The following MACROD2 variants were observed in gnomAD, a reference collection of about 807,000 sequenced individuals.
The protein encoded by MACROD2 is ADP-ribose glycohydrolase MACROD2.
In MACROD2, 36 loss-of-function variants were observed where a neutral mutation model predicts 70.4. The ratio of observed to expected loss-of-function variants is 0.51; its 90% CI spans 0.39 to 0.68. MACROD2 has a LOEUF of 0.68. Among genes scored for constraint, MACROD2 ranks in the 30% least tolerant of loss-of-function variants. The pLI is 0.00. For synonymous variants in MACROD2, 172 were observed against 178.8 expected (o/e 0.96, Z 0.30); for missense variants, 496 against 538.4 (o/e 0.92, Z 0.78).
chr20:14,087,415 T>C (rs1477686844), intron 3 of MACROD2, among the ~76,000 whole-genome samples: 1 of 151,732 alleles, frequency 6.6e-6, no homozygotes, highest in Admixed American at 6.6e-5. Context: ...AAAAAAGGAT[T>C]GGATGTCAGT....
chr20:15,197,453 T>C (rs1380862425), intron 5 of MACROD2, among the ~76,000 whole-genome samples: 1 of 152,174 alleles, frequency 6.6e-6, no homozygotes, highest in Non-Finnish European at 1.5e-5. Context: ...TTTAAAATAT[T>C]TTTAAAGTAT....
chr20:14,535,363 G>A (rs906103611), intron 4 of MACROD2, among the ~76,000 whole-genome samples: 2 of 151,918 alleles, frequency 1.3e-5, no homozygotes, highest in Non-Finnish European at 2.9e-5. Flanking sequence ...AAATTAGCTG[G>A]GCGTAGTGGC....
chr20:14,177,060 T>C (rs186350196), intron 3 of MACROD2, among the ~76,000 whole-genome samples: 38 of 152,312 alleles, frequency 2.5e-4, no homozygotes, highest in African/African-American at 8.9e-4. Context: ...CCTCTTTGTA[T>C]ACAAACACTC....
At chr20:15,945,190 G>C (rs1353367766) in intron 12 of MACROD2, among the ~76,000 whole-genome samples, 2 of 152,148 alleles carry the variant, frequency 1.3e-5, no homozygotes, top group East Asian at 3.9e-4. Flanking sequence ...AGGTGTTCCT[G>C]GTACACAGTA....
intron 5 of MACROD2, among the ~76,000 whole-genome samples, chr20:15,088,402 TATATA>T (rs2075765864): frequency 1.2e-3 from 2 of 1,602 alleles, no homozygotes; most frequent in Non-Finnish European, 4.5e-3. Flanking sequence ...ATATTTTATA[TATATA>T]TATATATATA....
chr20:14,317,659 A>G (rs1047272795), intron 3 of MACROD2, among the ~76,000 whole-genome samples: 3 of 151,326 alleles, frequency 2.0e-5, no homozygotes, highest in African/African-American at 7.3e-5. Flanking sequence ...TCCTCCCCCA[A>G]CCATAATCTT....
At chr20:15,102,458 T>C (rs1398132379) in intron 5 of MACROD2, among the ~76,000 whole-genome samples, 2 of 151,960 alleles carry the variant, frequency 1.3e-5, no homozygotes, top group Non-Finnish European at 2.9e-5. Context: ...CTGGTATATA[T>C]AGTAGTAGTG....
chr20:14,837,065 ATGAG>A lies in MACROD2; in HGVS notation c.418+152109_418+152112del, dbSNP rs1318564031. ...TCTGTAAATTAAAGAATTTTAAATA[ATGAG>A]TGTTTTCTCTCTTCACTCTTGAGCC... On this transcript the variant is annotated intron_variant, in intron 5 of 17. Transcript: ENST00000684519. Among the ~76,000 whole-genome samples, 35 of 104,366 alleles carry A rather than the reference ATGAG, an allele frequency of 3.4e-4. 1 individual carries two copies. The highest frequency in any genetic ancestry group is 7.8e-4 in the Non-Finnish European group (32 of 40,926). The allele number at this position is 104,366 out of a possible 152,430, so 68.5% of individuals were successfully genotyped here.
intron 6 of MACROD2, among the ~76,000 whole-genome samples, chr20:15,364,831 C>G (rs1319859662): frequency 6.6e-6 from 1 of 152,190 alleles, no homozygotes; most frequent in African/African-American, 2.4e-5. Flanking sequence ...GAAAGCATTA[C>G]CCTCAAGGTT....
intron 3 of MACROD2, among the ~76,000 whole-genome samples, chr20:14,232,407 T>C (rs2081824048): frequency 6.6e-6 from 1 of 152,236 alleles, no homozygotes; most frequent in Admixed American, 6.5e-5. Flanking sequence ...AAGGCTGTTT[T>C]GCCTACACAG....
rs397864871 is a variant in MACROD2, at chr20:15,349,755, C to CA, written c.541-81636dup. On this transcript the variant is annotated intron_variant, in intron 6 of 17. Transcript: ENST00000684519. ...TGGATGACAGAGAAAAACTCAGTCT[C>CA]AAAAAAAAAAAAAACACACCACGAA... Among the ~76,000 whole-genome samples the CA allele has an allele frequency of 1.4e-3, 169 of 124,528 alleles. 2 individuals carry two copies. Among genetic ancestry groups the CA allele is most frequent in the South Asian group, 3.7e-3 (14 of 3,810 alleles). 81.7% of individuals were successfully genotyped at this position (124,528 alleles called of 152,430 possible). A position where few individuals can be genotyped will look rare whatever the true frequency, so the allele number is the denominator to read the frequency against.
chr20:14,282,689 G>C (rs889597465), intron 3 of MACROD2, among the ~76,000 whole-genome samples: 1 of 152,162 alleles, frequency 6.6e-6, no homozygotes, highest in Non-Finnish European at 1.5e-5. Context: ...TTCTAGGGAG[G>C]CCTCAAGAAG....
At chr20:14,481,668 A>G (rs2084665075) in intron 3 of MACROD2, among the ~76,000 whole-genome samples, 1 of 152,200 alleles carries the variant, frequency 6.6e-6, no homozygotes, top group African/African-American at 2.4e-5. Flanking sequence ...TCCTTAAGAT[A>G]TAGTCTAGCA....
chr20:14,523,522 CTAT>C (rs2085194716), intron 4 of MACROD2: 2 of 152,200 alleles, frequency 1.3e-5, no homozygotes, highest in African/African-American at 4.8e-5. Context: ...GGGGACTCAA[CTAT>C]CTCTAAACAT....
chr20:15,515,700 G>C (rs545726716), intron 8 of MACROD2, among the ~76,000 whole-genome samples: 1 of 152,346 alleles, frequency 6.6e-6, no homozygotes, highest in East Asian at 1.9e-4. Flanking sequence ...ATGGAGCTGA[G>C]CATGTATAAA....
chr20:15,363,604 A>G (rs1313285706), intron 6 of MACROD2, among the ~76,000 whole-genome samples: 1 of 152,166 alleles, frequency 6.6e-6, no homozygotes, highest in Non-Finnish European at 1.5e-5. Context: ...TTTGACCTGC[A>G]CTATATAAAC....
chr20:15,113,253 C>G (rs1211063273), intron 5 of MACROD2, among the ~76,000 whole-genome samples: 1 of 152,146 alleles, frequency 6.6e-6, no homozygotes, highest in Non-Finnish European at 1.5e-5. Context: ...TTGTCCATAT[C>G]TAAGTTGCCT....
intron 8 of MACROD2, among the ~76,000 whole-genome samples, chr20:15,834,881 C>T (rs1036231668): frequency 6.6e-6 from 1 of 152,202 alleles, no homozygotes; most frequent in African/African-American, 2.4e-5. Flanking sequence ...TCGCACTCCC[C>T]TCCCATTTCA....
chr20:14,298,282 T>G (rs1314541704), intron 3 of MACROD2, among the ~76,000 whole-genome samples: 3 of 151,814 alleles, frequency 2.0e-5, no homozygotes, highest in East Asian at 3.9e-4. Context: ...AAGTGCATTT[T>G]TCTGGCTGGG....
Sources: gnomAD v4.1 joint callset for allele counts (sites outside exome capture counted in the v4.1 genomes callset) on GRCh38, gnomAD v4.1.1 for gene constraint, MANE v1.5 for transcripts, NCBI Gene and HGNC (gene_info 2026-07-23, HGNC 2026-07-21) for gene names.